MORN1: variants seen among roughly 807,000 people sequenced by gnomAD.
The protein encoded by MORN1 is MORN repeat-containing protein 1.
MORN1 carries 67 observed loss-of-function variants against 61.9 expected under a neutral mutation model. The observed-to-expected ratio is 1.08, with a 90% CI of 0.89 to 1.33. The LOEUF is 1.33. Among genes scored for constraint, MORN1 ranks in the 40% most tolerant of loss-of-function variants. The probability of loss-of-function intolerance (pLI) is 0.00; values close to 1 mark genes in which losing one functional copy is unlikely to be tolerated. For missense variants in MORN1, 752 were observed against 691.2 expected, an observed-to-expected ratio of 1.09 and a Z score of -0.99; for synonymous variants, 301 against 292.0, an observed-to-expected ratio of 1.03 and a Z score of -0.31.
intron 9 of MORN1, 55 bp downstream of exon 9, chr1:2,358,537 C>T (rs1641825649): frequency 3.1e-6 from 5 of 1,610,828 alleles, no homozygotes; most frequent in Non-Finnish European, 4.2e-6. Context: ...TTAATGTGAC[C>T]TAAATGAACT....
chr1:2,345,328 G>A (rs1392046133), intron 10 of MORN1, among the ~76,000 whole-genome samples: 1 of 152,238 alleles, frequency 6.6e-6, no homozygotes, highest in Non-Finnish European at 1.5e-5. Context: ...ACCCGCTGGG[G>A]CAGCAGCCAC....
rs756396127 is a variant in MORN1 at position 2,357,635 on chromosome 1, C to T, written c.870-37G>A. 7 of 1,548,660 alleles carry T rather than the reference C, an allele frequency of 4.5e-6. No homozygotes were observed. The highest frequency in any genetic ancestry group is 6.1e-6 in the Non-Finnish European group (7 of 1,143,304). On this transcript the variant is annotated intron_variant, in intron 9 of 13. Transcript: ENST00000378531. This position sits in a 1 kb window ranked among gnomAD's most constrained non-coding sequence, Gnocchi z 6.3. ...TGGGGGCAGCTTGGCTCTACTCACC[C>T]CACACCAAACTAGGGTGCAGGCAGA...
At chr1:2,343,253 G>GT (rs1479505821) in intron 10 of MORN1, among the ~76,000 whole-genome samples, 1 of 152,222 alleles carries the variant, frequency 6.6e-6, no homozygotes, top group East Asian at 1.9e-4. Context: ...ACCTCTGCTG[G>GT]TAAAGCTGCC....
intron 8 of MORN1, among the ~76,000 whole-genome samples, chr1:2,368,787 G>A (rs1424657198): frequency 6.6e-6 from 1 of 152,208 alleles, no homozygotes; most frequent in Non-Finnish European, 1.5e-5. Flanking sequence ...AGGCCAGCAC[G>A]GTGGCTCATG....
At chr1:2,330,030 G>A (rs1641116688) in intron 12 of MORN1, among the ~76,000 whole-genome samples, 1 of 152,322 alleles carries the variant, frequency 6.6e-6, no homozygotes, top group Middle Eastern at 3.4e-3. Flanking sequence ...CATGGGAACT[G>A]CCTATTTGCC....
intron 10 of MORN1, among the ~76,000 whole-genome samples, chr1:2,341,529 A>G (rs1407584428): frequency 6.6e-6 from 1 of 152,090 alleles, no homozygotes; most frequent in Non-Finnish European, 1.5e-5. Context: ...CGTCTCTACT[A>G]AAAATACAAA....
chr1:2,339,075 T>C (rs911878654), intron 10 of MORN1, among the ~76,000 whole-genome samples: 5 of 152,176 alleles, frequency 3.3e-5, no homozygotes, highest in Non-Finnish European at 7.3e-5. Flanking sequence ...CTCTCCTCTG[T>C]GCGGTCCCTG....
At chr1:2,381,159 A>G (rs1056575321) in intron 6 of MORN1, among the ~76,000 whole-genome samples, 4 of 152,214 alleles carry the variant, frequency 2.6e-5, no homozygotes, top group Non-Finnish European at 5.9e-5. Flanking sequence ...ACAAACAGCC[A>G]TGTGAAAACC....
At position 2,389,103 on chromosome 1, in the gene MORN1, ACT is replaced by A. The variant is rs542336733; in HGVS notation, c.149-768_149-767del. Reference sequence around the variant, plus strand: ...CTCCAGCCTGGGCAACAAGAGCAAAACTCTGTCTCCAAAAAAAAAAAAAAAGA... The same window carrying A: ...CTCCAGCCTGGGCAACAAGAGCAAAACTGTCTCCAAAAAAAAAAAAAAAGA... On this transcript the variant is annotated intron_variant, in intron 2 of 13. Transcript: ENST00000378531. Among the ~76,000 whole-genome samples, 480 of 141,452 alleles carry A rather than the reference ACT, an allele frequency of 3.4e-3. 11 individuals are homozygous for A. The East Asian group carries it at 0.047, about 14-fold the overall frequency. The allele number at this position is 141,452 out of a possible 152,430, so 92.8% of individuals were successfully genotyped here. A position where few individuals can be genotyped will look rare whatever the true frequency, so the allele number is the denominator to read the frequency against.
Position 2,385,068 on chromosome 1 carries a change from G to T in MORN1, c.450-3C>A. The T allele has an allele frequency of 6.3e-7, 1 of 1,587,718 alleles. No individual in the cohort carries two copies. The highest frequency in any genetic ancestry group is 8.6e-7 in the Non-Finnish European group (1 of 1,168,076). On this transcript the variant is annotated splice_region_variant and splice_polypyrimidine_tract_variant and intron_variant, in intron 5 of 13. Coordinates refer to ENST00000378531, the MANE Select transcript of MORN1 (RefSeq NM_024848.3). ...CGCCGTCGTACTTGTCACCGTTCCTGGGGGACACACGCACGGAGTCCACTC... is the reference window on the plus strand; with the variant it reads ...CGCCGTCGTACTTGTCACCGTTCCTTGGGGACACACGCACGGAGTCCACTC...
chr1:2,331,861 C>T (rs1265736266), intron 12 of MORN1, among the ~76,000 whole-genome samples: 1 of 138,186 alleles, frequency 7.2e-6, no homozygotes, highest in Non-Finnish European at 1.6e-5. Context: ...CGCCCCTGCG[C>T]CTCTCCCTCG....
intron 10 of MORN1, among the ~76,000 whole-genome samples, chr1:2,349,198 A>G (rs1214302676): frequency 6.6e-6 from 1 of 152,240 alleles, no homozygotes; most frequent in Non-Finnish European, 1.5e-5. Context: ...AGGGGAGGGA[A>G]GAACAGGAAA....
At chr1:2,367,680 G>A (rs1474563159) in intron 8 of MORN1, among the ~76,000 whole-genome samples, 2 of 152,018 alleles carry the variant, frequency 1.3e-5, no homozygotes, top group African/African-American at 2.4e-5. Context: ...GCTCTGGGGT[G>A]CAGTGGCGTG....
Position 2,336,478 on chromosome 1 carries a change from C to T in MORN1, c.1241G>A (p.Gly414Glu). 1 of 1,611,910 alleles carries T rather than the reference C, an allele frequency of 6.2e-7. No individual in the cohort carries two copies. Among genetic ancestry groups the T allele is most frequent in the Non-Finnish European group, 8.5e-7 (1 of 1,179,504 alleles). Residue 414 changes from glycine (G) to glutamate (E), a missense_variant, in exon 12 of 14, where the codon GGA becomes GAA. By Grantham distance (98) the Gly-to-Glu change is moderately conservative. Transcript: ENST00000378531. ...GTPPTAQEPPGGSRPEGRATE... is the reference protein window; with the variant it reads ...GTPPTAQEPPEGSRPEGRATE... ...GGTGGGCTCATCCTACCTGCTGCCTCCAGGAGGCTCCTGTGCCGTGGGTGG... is the reference window on the plus strand; with the variant it reads ...GGTGGGCTCATCCTACCTGCTGCCTTCAGGAGGCTCCTGTGCCGTGGGTGG...
chr1:2,354,397 T>G (rs144204762), intron 10 of MORN1, among the ~76,000 whole-genome samples: 1,782 of 151,200 alleles, frequency 0.012, 36 homozygotes, highest in African/African-American at 0.041. Context: ...AGGCCCTGTC[T>G]CTACAAAAAA....
chr1:2,364,685 T>C (rs1641963985), intron 8 of MORN1, among the ~76,000 whole-genome samples: 2 of 151,608 alleles, frequency 1.3e-5, no homozygotes, highest in East Asian at 1.9e-4. Flanking sequence ...AGGGTTTTTA[T>C]GGTTTTAGGT....
At chr1:2,328,407 G>A (rs1374014418) in intron 12 of MORN1, among the ~76,000 whole-genome samples, 4 of 152,214 alleles carry the variant, frequency 2.6e-5, no homozygotes, top group African/African-American at 4.8e-5. Context: ...GGTGACAAGG[G>A]GCAGGAGGCT....
intron 6 of MORN1, chr1:2,375,292 G>C (rs1051890015): frequency 6.6e-6 from 1 of 152,184 alleles, no homozygotes. Flanking sequence ...TTCCCTGCCC[G>C]GCCCTCCCTG....
intron 6 of MORN1, chr1:2,378,884 C>T (rs1337415926): frequency 2.2e-6 from 1 of 453,458 alleles, no homozygotes; most frequent in Non-Finnish European, 4.4e-6. Context: ...ACCTCTGTGG[C>T]TTCCGGGACC....
Sources: gnomAD v4.1 joint callset for allele counts (sites outside exome capture counted in the v4.1 genomes callset) on GRCh38, gnomAD v4.1.1 for gene constraint, Gnocchi (gnomAD v3.1) non-coding constraint, MANE v1.5 for transcripts, NCBI Gene and HGNC (gene_info 2026-07-23, HGNC 2026-07-21) for gene names.